ARHGEF15: variants seen among roughly 807,000 people sequenced by gnomAD.
The protein encoded by ARHGEF15 is Rho guanine nucleotide exchange factor 15.
A neutral mutation model predicts 79.7 loss-of-function variants in ARHGEF15; 58 were observed. The ratio of observed to expected loss-of-function variants is 0.73; its 90% CI spans 0.59 to 0.91. ARHGEF15 has a LOEUF of 0.91. Ranked by LOEUF, ARHGEF15 falls within the 40% of genes least tolerant of loss-of-function variation. The pLI, the probability that ARHGEF15 is intolerant of heterozygous loss-of-function variation, is 0.00. For missense variants in ARHGEF15, 1,012 were observed against 1,108.1 expected (o/e 0.91, Z 1.23); for synonymous variants, 442 against 456.0 (o/e 0.97, Z 0.39).
At chr17:8,317,446 T>C (rs1014928682) in intron 9 of ARHGEF15, among the ~76,000 whole-genome samples, 1 of 152,152 alleles carries the variant, frequency 6.6e-6, no homozygotes, top group African/African-American at 2.4e-5. Context: ...ATTATCAGTG[T>C]CTTTATGATC....
Position 8,318,452 on chromosome 17 carries a change from T to C in ARHGEF15, c.1770T>C (p.Ala590=). The C allele has an allele frequency of 1.2e-6, 2 of 1,614,056 alleles. No individual in the cohort carries two copies. The highest frequency in any genetic ancestry group is 8.5e-7 in the Non-Finnish European group (1 of 1,179,994). The change falls in exon 10 of 16, where the codon GCT becomes GCC. Residue 590 remains alanine, a synonymous_variant. Transcript: ENST00000361926. The surrounding 1 kb of genome is among the most constrained non-coding windows in gnomAD (Gnocchi z 5.0). ...RQENAQKALG[A]VSKIIERCSA... The stretch of plus-strand genomic sequence containing the variant: ...AGAATGCCCAGAAGGCCCTGGGTGC[T>C]GTCAGCAAGGTGGGCAGTGGGGAAG...
Position 8,315,702 on chromosome 17 carries a change from G to A in ARHGEF15, c.1422-53G>A. On this transcript the variant is annotated intron_variant, in intron 7 of 15. Transcript: ENST00000361926. This position sits in a 1 kb window ranked among gnomAD's most constrained non-coding sequence, Gnocchi z 4.3. ...TTCCCAAACCTTCTCTCAAGAACCCGGGAGACCTGGCTCTCTGCCCCGCCC... is the reference window on the plus strand; with the variant it reads ...TTCCCAAACCTTCTCTCAAGAACCCAGGAGACCTGGCTCTCTGCCCCGCCC... The A allele has an allele frequency of 6.3e-7, 1 of 1,596,228 alleles. No individual in the cohort carries two copies. Among genetic ancestry groups the A allele is most frequent in the Non-Finnish European group, 8.5e-7 (1 of 1,171,006 alleles).
In ARHGEF15 at chr17:8,314,889, C is replaced by T; in HGVS notation, c.990-17C>T. 1 of 1,613,594 alleles carries T rather than the reference C, an allele frequency of 6.2e-7. No individual in the cohort carries two copies. The highest frequency in any genetic ancestry group is 1.1e-5 in the South Asian group (1 of 90,988). On this transcript the variant is annotated splice_polypyrimidine_tract_variant and intron_variant, in intron 4 of 15. Coordinates refer to ENST00000361926, the MANE Select transcript of ARHGEF15 (RefSeq NM_173728.4). ...AGTGGTGGCCCTGGGGACTTCCTTC[C>T]CTTTCTTTCTCCACAGGGAAGAGGA...
chr17:8,315,536 C>T lies in ARHGEF15; in HGVS notation c.1383C>T (p.Leu461=). The change falls in exon 7 of 16, where the codon CTC becomes CTT. Residue 461 remains leucine (L), a synonymous_variant. Transcript: ENST00000361926. This position sits in a 1 kb window ranked among gnomAD's most constrained non-coding sequence, Gnocchi z 4.3. The part of the protein sequence containing the change: ...DTLTPRDHHT[L]FSNVQRVQGV... ...TCACCCCCCGTGATCACCACACACT[C>T]TTCTCCAATGTGCAGCGAGTCCAGG... is the stretch of plus-strand genomic sequence containing the variant. 6.2e-7 allele frequency: 1 copy of T among 1,611,522 alleles called. No individual in the cohort carries two copies.
chr17:8,316,132 T>A lies in ARHGEF15; in HGVS notation c.1688T>A (p.Leu563Gln). Residue 563 changes from leucine to glutamine, a missense_variant, in exon 9 of 16, where the codon CTG becomes CAG. By Grantham distance (113) the Leu-to-Gln change is moderately radical. Transcript: ENST00000361926. ...LLLPFQRITR[L>Q]RMLLQNILRQ... is the part of the protein sequence containing the mutation. Reference sequence around the variant, plus strand: ...CTGCCCTTCCAGCGCATCACCCGGCTGCGCATGCTGCTGCAGGTACCTGTC... The same window carrying A: ...CTGCCCTTCCAGCGCATCACCCGGCAGCGCATGCTGCTGCAGGTACCTGTC... The A allele has an allele frequency of 6.2e-7, 1 of 1,602,760 alleles. No individual in the cohort carries two copies. Among genetic ancestry groups the A allele is most frequent in the Non-Finnish European group, 8.5e-7 (1 of 1,179,266 alleles).
Position 8,314,790 on chromosome 17 carries a change from C to T in ARHGEF15, c.990-116C>T, listed in dbSNP as rs550771793. The T allele has an allele frequency of 9.8e-5, 105 of 1,065,996 alleles. No individual in the cohort carries two copies. In the African/African-American group the frequency reaches 1.6e-3, roughly 16 times the overall value. The allele number at this position is 1,065,996 out of a possible 1,614,324, so 66.0% of individuals were successfully genotyped here. A position where few individuals can be genotyped will look rare whatever the true frequency, so the allele number is the denominator to read the frequency against. On this transcript the variant is annotated intron_variant, in intron 4 of 15. Coordinates refer to ENST00000361926, the MANE Select transcript of ARHGEF15 (RefSeq NM_173728.4). Reference sequence around the variant, plus strand: ...CCTGAGGTTTGATTTGGGGAGCCGTCAGGGTCCCTACATCCAACCTGCACA... The same window carrying T: ...CCTGAGGTTTGATTTGGGGAGCCGTTAGGGTCCCTACATCCAACCTGCACA...
intron 1 of ARHGEF15, 50 bp downstream of exon 1, chr17:8,310,393 G>T (rs560319945): frequency 5.3e-5 from 8 of 152,146 alleles, no homozygotes; most frequent in African/African-American, 1.9e-4. Context: ...GCCTGCGGGA[G>T]GGTCCCTGGG....
Position 8,312,641 on chromosome 17 carries a change from G to A in ARHGEF15, c.601+1G>A, listed in dbSNP as rs746183719. On this transcript the variant is annotated splice_donor_variant, in intron 2 of 15. Transcript: ENST00000361926. LOFTEE classifies it high-confidence loss of function. ...GGGTCCCAGGAGAACGGTGCTCCAG[G>A]TGAGTGTGGCGGGTGGGGGGCGCTG... 1 of 1,613,034 alleles carries A rather than the reference G, an allele frequency of 6.2e-7. No individual in the cohort carries two copies. Among genetic ancestry groups the A allele is most frequent in the Admixed American group, 1.7e-5 (1 of 60,020 alleles).
chr17:8,313,317 C>G (rs969787536), intron 3 of ARHGEF15, 63 bp downstream of exon 3: 1 of 1,551,226 alleles, frequency 6.4e-7, no homozygotes, highest in African/African-American at 1.4e-5. Context: ...CAGGGGGGAA[C>G]TAAAGCCCAG....
At chr17:8,319,746 C>T in intron 15 of ARHGEF15, 143 bp downstream of exon 15, 1 of 575,810 alleles carries the variant, frequency 1.7e-6, no homozygotes, top group Non-Finnish European at 2.8e-6. Context: ...AGGGATTCTC[C>T]TGCCTCAACC....
At chr17:8,311,197 T>C (rs2044816502) in intron 1 of ARHGEF15, among the ~76,000 whole-genome samples, 1 of 152,042 alleles carries the variant, frequency 6.6e-6, no homozygotes, top group Non-Finnish European at 1.5e-5. Flanking sequence ...CCCTGCAGCC[T>C]TCTTGGGATT....
At chr17:8,311,870 A>T in intron 1 of ARHGEF15, 121 bp from the exon 2 acceptor site, 1 of 601,410 alleles carries the variant, frequency 1.7e-6, no homozygotes, top group Non-Finnish European at 2.8e-6. Context: ...AGTTTTATGG[A>T]TTCTCTGGAA....
At position 8,318,292 on chromosome 17, in the gene ARHGEF15, C is replaced by A; in HGVS notation, c.1705-95C>A. On this transcript the variant is annotated intron_variant, in intron 9 of 15. Coordinates refer to ENST00000361926, the MANE Select transcript of ARHGEF15 (RefSeq NM_173728.4). The surrounding 1 kb of genome is among the most constrained non-coding windows in gnomAD (Gnocchi z 5.0). Reference sequence around the variant, plus strand: ...ATGAGGTCTGTCAGCCTTGTTGAAACTGGCTGAAACAGACAGGGTCCTCTG... The same window carrying A: ...ATGAGGTCTGTCAGCCTTGTTGAAAATGGCTGAAACAGACAGGGTCCTCTG... 2 of 1,220,262 alleles carry A rather than the reference C, an allele frequency of 1.6e-6. No homozygotes were observed. The highest frequency in any genetic ancestry group is 2.3e-6 in the Non-Finnish European group (2 of 860,068). The allele number at this position is 1,220,262 out of a possible 1,614,324, so 75.6% of individuals were successfully genotyped here.
chr17:8,316,289 G>A, intron 9 of ARHGEF15, 141 bp downstream of exon 9: 3 of 1,351,214 alleles, frequency 2.2e-6, no homozygotes, highest in Non-Finnish European at 3.0e-6. Flanking sequence ...CCGAATCTGG[G>A]TCTCTCAGCC....
At chr17:8,316,715 G>A (rs1277175081) in intron 9 of ARHGEF15, among the ~76,000 whole-genome samples, 4 of 152,158 alleles carry the variant, frequency 2.6e-5, no homozygotes, top group African/African-American at 9.7e-5. Context: ...ATCTTAAAAA[G>A]GCAACTTAGT....
chr17:8,314,711 G>A lies in ARHGEF15; in HGVS notation c.990-195G>A, dbSNP rs546169938. Reference sequence around the variant, plus strand: ...AGACCAGGAGTTTAAGACCAGCCTGGGCAACATAACGAGACCTTGCCTTTC... The same window carrying A: ...AGACCAGGAGTTTAAGACCAGCCTGAGCAACATAACGAGACCTTGCCTTTC... On this transcript the variant is annotated intron_variant, in intron 4 of 15. Coordinates refer to ENST00000361926, the MANE Select transcript of ARHGEF15 (RefSeq NM_173728.4). Among the ~76,000 whole-genome samples, 7 of 140,832 alleles carry A rather than the reference G, an allele frequency of 5.0e-5. No homozygotes were observed. The South Asian group carries it at 8.8e-4, about 18-fold the overall frequency. The allele number at this position is 140,832 out of a possible 152,430, so 92.4% of individuals were successfully genotyped here.
Position 8,312,382 on chromosome 17 carries a change from C to T in ARHGEF15, c.343C>T (p.Arg115Trp), listed in dbSNP as rs773380012. 2.5e-5 allele frequency: 40 copies of T among 1,609,120 alleles called. No individual in the cohort carries two copies. Among genetic ancestry groups the T allele is most frequent in the Middle Eastern group, 1.7e-4 (1 of 6,056 alleles). The change falls in exon 2 of 16, where the codon CGG becomes TGG. Residue 115 changes from arginine (R) to tryptophan (W), a missense_variant. Transcript: ENST00000361926. ...RRSASPEPAP[R>W]SPVPPPKPSG... ...CTCCGCCTCCCCAGAACCTGCTCCC[C>T]GGTCTCCAGTCCCCCCACCCAAGCC...
At chr17:8,310,584 C>G (rs1172326483) in intron 1 of ARHGEF15, among the ~76,000 whole-genome samples, 4 of 152,078 alleles carry the variant, frequency 2.6e-5, no homozygotes, top group Non-Finnish European at 5.9e-5. Flanking sequence ...CTCATCCCTA[C>G]CCCTGTCCAC....
intron 4 of ARHGEF15, 74 bp downstream of exon 4, chr17:8,313,629 AG>A: frequency 3.3e-6 from 5 of 1,492,948 alleles, no homozygotes; most frequent in Non-Finnish European, 4.6e-6. Flanking sequence ...ACTAACCTTC[AG>A]CTCCAGCTAA....
Sources: gnomAD v4.1 joint callset for allele counts (sites outside exome capture counted in the v4.1 genomes callset) on GRCh38, gnomAD v4.1.1 for gene constraint, Gnocchi (gnomAD v3.1) non-coding constraint, MANE v1.5 for transcripts, NCBI Gene and HGNC (gene_info 2026-07-23, HGNC 2026-07-21) for gene names.